LCT: variants seen among roughly 807,000 people sequenced by gnomAD.
The protein encoded by LCT is lactase/phlorizin hydrolase.
A neutral mutation model predicts 173.0 loss-of-function variants in LCT; 90 were observed. The observed-to-expected ratio is 0.52, with a 90% CI of 0.44 to 0.62. LCT has a LOEUF of 0.62. Ranked by LOEUF, LCT falls within the 20% of genes least tolerant of loss-of-function variation. The pLI, the probability that LCT is intolerant of heterozygous loss-of-function variation, is 0.00. For synonymous variants in LCT, 853 were observed against 957.6 expected, an observed-to-expected ratio of 0.89 and a Z score of 2.02; for missense variants, 1,864 against 2,431.4, an observed-to-expected ratio of 0.77 and a Z score of 4.91.
intron 6 of LCT, among the ~76,000 whole-genome samples, chr2:135,813,447 T>C: frequency 6.6e-6 from 1 of 152,222 alleles, no homozygotes; most frequent in East Asian, 1.9e-4. Context: ...TTCAAAATTG[T>C]CAACAAAATA....
chr2:135,811,035 AAAAAGAAAAAAG>A (rs2077730685), intron 7 of LCT, among the ~76,000 whole-genome samples: 1 of 151,722 alleles, frequency 6.6e-6, no homozygotes, highest in Non-Finnish European at 1.5e-5. Flanking sequence ...TCAAAAAAAA[AAAAAGAAAAAAG>A]AAAAGAAAAT....
rs2077714482 is a variant in LCT, at chr2:135,809,528, C to T, written c.2819G>A (p.Gly940Glu). 1.2e-6 allele frequency: 2 copies of T among 1,614,244 alleles called. No homozygotes were observed. Among genetic ancestry groups the T allele is most frequent in the Middle Eastern group, 1.6e-4 (1 of 6,062 alleles). Residue 940 changes from glycine (G) to glutamate (E), a missense_variant, in exon 8 of 17, where the codon GGG becomes GAG. Around this residue, in one of 4 missense-constraint regions of LCT, gnomAD observed 755 missense variants for 926.3 expected, o/e 0.82. Transcript: ENST00000264162. This position sits in a 1 kb window ranked among gnomAD's most constrained non-coding sequence, Gnocchi z 5.5. ...AGTGGCATTGTCTTTCACATTGCTCCCTGGTGTGTGGGTAAAGTTATCCCA... is the reference window on the plus strand; with the variant it reads ...AGTGGCATTGTCTTTCACATTGCTCTCTGGTGTGTGGGTAAAGTTATCCCA... ...SIWDNFTHTP[G>E]SNVKDNATGD... is the part of the protein sequence containing the mutation.
rs1457912116 is a variant in LCT at position 135,812,613 on chromosome 2, G to A, written c.2051C>T (p.Ser684Leu). The A allele has an allele frequency of 9.3e-6, 15 of 1,610,990 alleles. No individual in the cohort carries two copies. Among genetic ancestry groups the A allele is most frequent in the Admixed American group, 3.3e-5 (2 of 59,930 alleles). The part of the protein sequence containing the change: ...LKGSADFLGL[S>L]HYTSRLISNA... ...GCTGATGAGGCGGGAGGTGTAATGC[G>A]ACAGACCCAGAAAATCAGCAGAGCC... Residue 684 changes from serine to leucine, a missense_variant, in exon 7 of 17, where the codon TCG (serine) becomes TTG (leucine). Around this residue, in one of 4 missense-constraint regions of LCT, gnomAD observed 755 missense variants for 926.3 expected, o/e 0.82. Transcript: ENST00000264162.
chr2:135,816,144 T>A (rs1247418599), intron 6 of LCT, among the ~76,000 whole-genome samples: 1 of 152,226 alleles, frequency 6.6e-6, no homozygotes, highest in East Asian at 1.9e-4. Flanking sequence ...GGAAAAGACC[T>A]ATAGCCATTT....
Position 135,804,033 on chromosome 2 carries a change from A to C in LCT, c.4560T>G (p.Asp1520Glu). 6.2e-7 allele frequency: 1 copy of C among 1,614,140 alleles called. No homozygotes were observed. Among genetic ancestry groups the C allele is most frequent in the East Asian group, 2.2e-5 (1 of 44,872 alleles). The change falls in exon 11 of 17, where the codon GAT (aspartate) becomes GAG (glutamate). Residue 1520 changes from aspartate to glutamate, a missense_variant. By Grantham distance (45) the Asp-to-Glu change is conservative. Coordinates refer to ENST00000264162, the MANE Select transcript of LCT (RefSeq NM_002299.4). Reference sequence around the variant, plus strand: ...TGTCTCCCAGCCTCTGGAAGAGCACATCTGCATACTCCTTAAACCGCTGCA... The same window carrying C: ...TGTCTCCCAGCCTCTGGAAGAGCACCTCTGCATACTCCTTAAACCGCTGCA... ...TIVQRFKEYADVLFQRLGDKV... is the reference protein window; with the variant it reads ...TIVQRFKEYAEVLFQRLGDKV...
chr2:135,801,995 T>C (rs184818246), intron 11 of LCT, among the ~76,000 whole-genome samples: 5 of 152,058 alleles, frequency 3.3e-5, no homozygotes, highest in African/African-American at 7.2e-5. Context: ...GAGTTGATAA[T>C]CTGGAGCTCC....
rs781290297 is a variant in LCT at position 135,804,889 on chromosome 2, G to A, written c.4342C>T (p.Arg1448Cys). Residue 1448 changes from arginine to cysteine, a missense_variant, in exon 10 of 17, where the codon CGT becomes TGT. Arg to Cys is a radical substitution (Grantham distance 180). Transcript: ENST00000264162. Reference sequence around the variant, plus strand: ...ATGCGAGACCAGGAGATGGAAAAACGGTAGTGGGACACGCCCAGGTTCTGC... The same window carrying A: ...ATGCGAGACCAGGAGATGGAAAAACAGTAGTGGGACACGCCCAGGTTCTGC... ...TLQNLGVSHY[R>C]FSISWSRILP... The A allele has an allele frequency of 6.8e-6, 11 of 1,614,156 alleles. No individual in the cohort carries two copies. The highest frequency in any genetic ancestry group is 1.3e-5 in the African/African-American group (1 of 75,024).
At chr2:135,822,224 G>A in intron 4 of LCT, 126 bp from the exon 5 acceptor site, 1 of 716,288 alleles carries the variant, frequency 1.4e-6, no homozygotes, top group South Asian at 1.5e-5. Flanking sequence ...AAGCCCCTTT[G>A]GAAAATACCA....
In LCT at chr2:135,829,581, G is replaced by C. The variant is rs1048550902; in HGVS notation, c.804+12C>G. 6.3e-7 allele frequency: 1 copy of C among 1,599,572 alleles called. No homozygotes were observed. Among genetic ancestry groups the C allele is most frequent in the Non-Finnish European group, 8.6e-7 (1 of 1,166,958 alleles). On this transcript the variant is annotated intron_variant, in intron 3 of 16. Coordinates refer to ENST00000264162, the MANE Select transcript of LCT (RefSeq NM_002299.4). ...TGCATTCATCATTAATGTGGAAAAG[G>C]GCTCAAATTACCTGCAATTTACTCA...
chr2:135,804,914 C>T lies in LCT; in HGVS notation c.4317G>A (p.Leu1439=), dbSNP rs1277243805. The T allele has an allele frequency of 2.5e-6, 4 of 1,614,068 alleles. No individual in the cohort carries two copies. In the African/African-American group the frequency reaches 4.0e-5, roughly 16 times the overall value. Residue 1439 remains leucine, a synonymous_variant, in exon 10 of 17, where the codon CTG becomes CTA. Coordinates refer to ENST00000264162, the MANE Select transcript of LCT (RefSeq NM_002299.4). The part of the protein sequence containing the change: ...YHKIAEDLVT[L]QNLGVSHYRF... ...GGTAGTGGGACACGCCCAGGTTCTG[C>T]AGGGTGACCAGATCCTCAGCAATCT...
At position 135,800,708 on chromosome 2, in the gene LCT, T is replaced by C; in HGVS notation, c.4765A>G (p.Ser1589Gly). The C allele has an allele frequency of 1.2e-6, 2 of 1,614,064 alleles. No individual in the cohort carries two copies. Among genetic ancestry groups the C allele is most frequent in the Non-Finnish European group, 1.7e-6 (2 of 1,180,032 alleles). The change falls in exon 12 of 17, where the codon AGT (serine) becomes GGT (glycine). Residue 1589 changes from serine (S) to glycine (G), a missense_variant. Ser to Gly is a moderately conservative substitution (Grantham distance 56). Coordinates refer to ENST00000264162, the MANE Select transcript of LCT (RefSeq NM_002299.4). The stretch of plus-strand genomic sequence containing the variant: ...GTGATGGAAATCACGCCACCTTGAC[T>C]GGCGCGGTACACATCGTTGTACAGA... ...WHLYNDVYRA[S>G]QGGVISITIS...
chr2:135,824,992 CA>C (rs5834449), intron 3 of LCT, among the ~76,000 whole-genome samples: 82,337 of 109,980 alleles, frequency 0.75, 29,365 homozygotes, highest in Non-Finnish European at 0.83. Context: ...GGCTCCATCT[CA>C]AAAAAAAAAA....
At chr2:135,822,411 T>G (rs1054212686) in intron 4 of LCT, 1 of 360,702 alleles carries the variant, frequency 2.8e-6, no homozygotes, top group African/African-American at 2.1e-5. Context: ...AGAATATGCA[T>G]TTCTAATGAG....
At chr2:135,811,027 A>G (rs2077730530) in intron 7 of LCT, among the ~76,000 whole-genome samples, 1 of 142,794 alleles carries the variant, frequency 7.0e-6, no homozygotes, top group Admixed American at 7.0e-5. Flanking sequence ...ACTCCGTCTC[A>G]AAAAAAAAAA....
intron 6 of LCT, among the ~76,000 whole-genome samples, chr2:135,813,297 T>C (rs929431780): frequency 2.6e-4 from 40 of 152,280 alleles, no homozygotes; most frequent in Non-Finnish European, 5.6e-4. Flanking sequence ...ATCAACGATG[T>C]TGATGTCAAC....
In LCT at chr2:135,817,456, C is replaced by T; in HGVS notation, c.1592G>A (p.Gly531Glu). 6.2e-7 allele frequency: 1 copy of T among 1,614,162 alleles called. No homozygotes were observed. Among genetic ancestry groups the T allele is most frequent in the Non-Finnish European group, 8.5e-7 (1 of 1,180,040 alleles). ...DYAAFCFSTF[G>E]DRVKLWVTFH... ...GGTCACCCACAGCTTCACACGGTCC[C>T]CAAATGTGGAGAAGCAGAAGGCCGC... is the stretch of plus-strand genomic sequence containing the variant. Residue 531 changes from glycine to glutamate, a missense_variant, in exon 6 of 17, where the codon GGG becomes GAG. Physicochemically the swap from Gly to Glu is moderately conservative, Grantham distance 98. Coordinates refer to ENST00000264162, the MANE Select transcript of LCT (RefSeq NM_002299.4).
intron 6 of LCT, among the ~76,000 whole-genome samples, chr2:135,816,561 C>T (rs1360447501): frequency 6.6e-6 from 1 of 152,224 alleles, no homozygotes; most frequent in African/African-American, 2.4e-5. Context: ...GTGCTCTGAT[C>T]AAATTCCACC....
At chr2:135,820,319 T>C (rs1037831415) in intron 5 of LCT, 4 of 152,224 alleles carry the variant, frequency 2.6e-5, no homozygotes, top group Admixed American at 6.5e-5. Flanking sequence ...TCACTGGCTT[T>C]TCAGGGAACC....
chr2:135,830,403 G>A (rs958280407), intron 2 of LCT, among the ~76,000 whole-genome samples: 3 of 152,032 alleles, frequency 2.0e-5, no homozygotes, highest in African/African-American at 4.8e-5. Flanking sequence ...TCCCCTCCAC[G>A]AGCCTGGCTG....
Sources: allele counts gnomAD v4.1 joint callset (sites outside exome capture counted in the v4.1 genomes callset), GRCh38; gene constraint gnomAD v4.1.1; regional missense constraint gnomAD v4.1.1; non-coding constraint Gnocchi (gnomAD v3.1); transcripts MANE v1.5; gene names NCBI Gene and HGNC (gene_info 2026-07-23, HGNC 2026-07-21).